The following CSNK1G1 variants were observed in gnomAD, a reference collection of about 807,000 sequenced individuals.
CSNK1G1 encodes casein kinase I isoform gamma-1.
CSNK1G1 carries 22 observed loss-of-function variants against 59.6 expected under a neutral mutation model. The observed-to-expected ratio is 0.37, with a 90% CI of 0.26 to 0.53. The LOEUF is 0.53. CSNK1G1 is among the 20% of genes least tolerant of loss of function. The probability of loss-of-function intolerance (pLI) is 0.89; values close to 1 mark genes in which losing one functional copy is unlikely to be tolerated. For synonymous variants in CSNK1G1, 179 were observed against 177.1 expected (o/e 1.01, Z -0.08); for missense variants, 384 against 519.5 (o/e 0.74, Z 2.54).
intron 1 of CSNK1G1, among the ~76,000 whole-genome samples, chr15:64,333,450 A>AAAT (rs1334761701): frequency 6.8e-6 from 1 of 146,680 alleles, no homozygotes; most frequent in East Asian, 2.0e-4. Context: ...AAAAAAAAAA[A>AAAT]AAAAAAAAAG....
chr15:64,222,615 T>C (rs908945465), intron 4 of CSNK1G1, among the ~76,000 whole-genome samples: 8 of 150,164 alleles, frequency 5.3e-5, no homozygotes, highest in African/African-American at 1.7e-4. Flanking sequence ...CCAATTCAAA[T>C]ATAAGCTGGT....
At chr15:64,189,478 G>T (rs975417928) in intron 10 of CSNK1G1, 12 of 1,244,682 alleles carry the variant, frequency 9.6e-6, no homozygotes, top group Non-Finnish European at 1.2e-5. Flanking sequence ...CAGTCCTAAG[G>T]CTCTACAAAA....
intron 10 of CSNK1G1, among the ~76,000 whole-genome samples, chr15:64,192,566 A>G (rs1029533419): frequency 3.9e-5 from 6 of 152,212 alleles, no homozygotes; most frequent in Admixed American, 6.5e-5. Context: ...TTCATTTGGC[A>G]GGGATTAATG....
intron 10 of CSNK1G1, among the ~76,000 whole-genome samples, chr15:64,182,788 A>AAAAT (rs2081836806): frequency 6.6e-6 from 1 of 152,238 alleles, no homozygotes; most frequent in Non-Finnish European, 1.5e-5. Context: ...AAAGATATAC[A>AAAAT]AGAGTTTATT....
chr15:64,250,306 T>C (rs532139167), intron 4 of CSNK1G1, among the ~76,000 whole-genome samples: 1 of 152,312 alleles, frequency 6.6e-6, no homozygotes, highest in African/African-American at 2.4e-5. Flanking sequence ...AAGTCCATTG[T>C]GGGCTCCCTG....
At chr15:64,290,564 C>T (rs886999620) in intron 2 of CSNK1G1, among the ~76,000 whole-genome samples, 3 of 151,914 alleles carry the variant, frequency 2.0e-5, no homozygotes, top group African/African-American at 4.8e-5. Context: ...GAATAATAGA[C>T]ACTGAAGACT....
chr15:64,179,794 C>T (rs1433256468), intron 11 of CSNK1G1, among the ~76,000 whole-genome samples: 1 of 152,208 alleles, frequency 6.6e-6, no homozygotes, highest in Non-Finnish European at 1.5e-5. Context: ...GGGCAACCTC[C>T]TTACCCTCCT....
intron 2 of CSNK1G1, among the ~76,000 whole-genome samples, chr15:64,265,105 T>G (rs564933228): frequency 6.6e-6 from 1 of 152,242 alleles, no homozygotes; most frequent in African/African-American, 2.4e-5. Context: ...TAATCATATA[T>G]ATAGAAAATC....
At chr15:64,172,288 A>C (rs2081680265) in intron 11 of CSNK1G1, among the ~76,000 whole-genome samples, 1 of 152,214 alleles carries the variant, frequency 6.6e-6, no homozygotes, top group African/African-American at 2.4e-5. Context: ...TTTAGCACCC[A>C]ACCCAGATGC....
At chr15:64,312,631 A>C (rs1896055708) in intron 1 of CSNK1G1, among the ~76,000 whole-genome samples, 1 of 152,266 alleles carries the variant, frequency 6.6e-6, no homozygotes. Context: ...CTTAAATGTA[A>C]GACCTAAAGC....
At chr15:64,260,595 G>A (rs528524188) in intron 2 of CSNK1G1, among the ~76,000 whole-genome samples, 26 of 152,004 alleles carry the variant, frequency 1.7e-4, no homozygotes, top group African/African-American at 5.1e-4. Context: ...AAAATTAGCC[G>A]GGGGTGGTGG....
intron 3 of CSNK1G1, among the ~76,000 whole-genome samples, chr15:64,255,810 TC>T (rs1460142319): frequency 6.6e-6 from 1 of 152,218 alleles, no homozygotes; most frequent in Non-Finnish European, 1.5e-5. Context: ...GTCTAGTCTA[TC>T]CCTCTGCTTC....
At chr15:64,309,890 G>T (rs1296529652) in intron 1 of CSNK1G1, among the ~76,000 whole-genome samples, 1 of 151,972 alleles carries the variant, frequency 6.6e-6, no homozygotes, top group East Asian at 1.9e-4. Flanking sequence ...CAAGATGATC[G>T]CTTGAGCCGA....
chr15:64,306,324 A>T (rs75624192), intron 1 of CSNK1G1, among the ~76,000 whole-genome samples: 121 of 152,368 alleles, frequency 7.9e-4, no homozygotes, highest in African/African-American at 2.5e-3. Flanking sequence ...AAATATGAGC[A>T]AAATATTTGA....
intron 4 of CSNK1G1, among the ~76,000 whole-genome samples, chr15:64,244,669 G>A (rs1330340788): frequency 6.6e-6 from 1 of 152,116 alleles, no homozygotes; most frequent in Non-Finnish European, 1.5e-5. Flanking sequence ...GATCACTGGA[G>A]TCCAGGAGTT....
intron 1 of CSNK1G1, among the ~76,000 whole-genome samples, chr15:64,326,365 C>A (rs1452112530): frequency 6.6e-6 from 1 of 152,104 alleles, no homozygotes; most frequent in African/African-American, 2.4e-5. Flanking sequence ...TAGTTTAGGC[C>A]AGGCATGGTG....
chr15:64,238,262 G>T (rs992195037), intron 4 of CSNK1G1, among the ~76,000 whole-genome samples: 7 of 151,060 alleles, frequency 4.6e-5, no homozygotes, highest in Admixed American at 3.3e-4. Flanking sequence ...AGGTATATAC[G>T]CACATAAAAA....
chr15:64,256,715 G>C (rs147816310), intron 3 of CSNK1G1, among the ~76,000 whole-genome samples: 9 of 152,154 alleles, frequency 5.9e-5, no homozygotes, highest in African/African-American at 2.2e-4. Context: ...ACACTATTTT[G>C]TTTACTTTGT....
chr15:64,250,898 C>T (rs1892043976), intron 4 of CSNK1G1, among the ~76,000 whole-genome samples: 1 of 152,198 alleles, frequency 6.6e-6, no homozygotes, highest in Non-Finnish European at 1.5e-5. Context: ...TTCTGAGAGA[C>T]TTGTCCCTAC....
Sources: gnomAD v4.1 joint callset for allele counts (sites outside exome capture counted in the v4.1 genomes callset) on GRCh38, gnomAD v4.1.1 for gene constraint, MANE v1.5 for transcripts, NCBI Gene and HGNC (gene_info 2026-07-23, HGNC 2026-07-21) for gene names.